NPHP4: variants seen among roughly 807,000 people sequenced by gnomAD.
NPHP4 encodes nephrocystin-4.
In NPHP4, 151 loss-of-function variants were observed where a neutral mutation model predicts 155.8. The observed-to-expected ratio is 0.97, with a 90% CI of 0.85 to 1.11. The LOEUF (loss-of-function observed/expected upper bound fraction) is 1.11, where lower values mean the gene tolerates loss of function less well. Ranked by LOEUF, NPHP4 falls within the 50% of genes least tolerant of loss-of-function variation. NPHP4 has a pLI of 0.00. For synonymous variants in NPHP4, 845 were observed against 816.8 expected, an observed-to-expected ratio of 1.03 and a Z score of -0.59; for missense variants, 1,956 against 1,925.7, an observed-to-expected ratio of 1.02 and a Z score of -0.29.
At chr1:5,991,921 C>CCAGGCGGCAGGGGG (rs202139287) in intron 1 of NPHP4, among the ~76,000 whole-genome samples, 42 of 101,034 alleles carry the variant, frequency 4.2e-4, no homozygotes, top group East Asian at 3.1e-3. Flanking sequence ...TGCAGAGAGG[C>CCAGGCGGCAGGGGG]CAGGGGGCAG....
chr1:5,869,283 A>C (rs570832302), intron 23 of NPHP4, among the ~76,000 whole-genome samples: 1 of 150,628 alleles, frequency 6.6e-6, no homozygotes, highest in East Asian at 2.0e-4. Flanking sequence ...ATGCATCCAT[A>C]CATGTACACA....
At position 5,978,603 on chromosome 1, in the gene NPHP4, C is replaced by T. The variant is rs200182219; in HGVS notation, c.136-190G>A. Among the ~76,000 whole-genome samples the T allele has an allele frequency of 2.6e-5, 4 of 152,248 alleles. No homozygotes were observed. In the East Asian group the frequency reaches 7.7e-4, roughly 29 times the overall value. On this transcript the variant is annotated intron_variant, in intron 2 of 29. Transcript: ENST00000378156. Reference sequence around the variant, plus strand: ...GTTATAAACCAAAGCATTTGGCCCTCCCCTGGCCAACGAAAGACTGCAGTC... The same window carrying T: ...GTTATAAACCAAAGCATTTGGCCCTTCCCTGGCCAACGAAAGACTGCAGTC...
intron 18 of NPHP4, 88 bp from the exon 19 acceptor site, chr1:5,880,327 T>C: frequency 7.1e-7 from 1 of 1,408,864 alleles, no homozygotes; most frequent in Non-Finnish European, 9.9e-7. Flanking sequence ...CGGCTGTGGC[T>C]TTCAAATGGC....
chr1:5,946,974 G>A, intron 9 of NPHP4, 130 bp downstream of exon 9: 1 of 990,338 alleles, frequency 1.0e-6, no homozygotes, highest in Non-Finnish European at 1.5e-6. Flanking sequence ...TGTCAGTAAA[G>A]TGATTTTTAC....
Position 5,910,095 on chromosome 1 carries a change from T to TA in NPHP4, c.1442-883dup, listed in dbSNP as rs1200557950. Among the ~76,000 whole-genome samples the TA allele has an allele frequency of 2.0e-5, 3 of 152,222 alleles. No individual in the cohort carries two copies. Among genetic ancestry groups the TA allele is most frequent in the African/African-American group, 4.8e-5 (2 of 41,452 alleles). Reference sequence around the variant, plus strand: ...GGAGCGTCCATAGCCACTCGTCTCTTACGGTCATTTCACATACACTGCCAT... The same window carrying TA: ...GGAGCGTCCATAGCCACTCGTCTCTTAACGGTCATTTCACATACACTGCCAT... On this transcript the variant is annotated intron_variant, in intron 11 of 29. Coordinates refer to ENST00000378156, the MANE Select transcript of NPHP4 (RefSeq NM_015102.5). This position sits in a 1 kb window ranked among gnomAD's most constrained non-coding sequence, Gnocchi z 5.4.
At chr1:5,964,223 C>T (rs903460769) in intron 5 of NPHP4, among the ~76,000 whole-genome samples, 9 of 152,164 alleles carry the variant, frequency 5.9e-5, no homozygotes, top group African/African-American at 2.4e-5. Context: ...CTTCTGTGTC[C>T]GTAAAACGAC....
intron 16 of NPHP4, among the ~76,000 whole-genome samples, chr1:5,895,932 G>A (rs998656688): frequency 1.3e-5 from 2 of 151,350 alleles, no homozygotes; most frequent in Non-Finnish European, 2.9e-5. Flanking sequence ...GGTGACGTCT[G>A]TGCAGCCCAC....
Position 5,889,954 on chromosome 1 carries a change from G to A in NPHP4, c.2304+914C>T, listed in dbSNP as rs910311600. Among the ~76,000 whole-genome samples the A allele has an allele frequency of 1.3e-5, 2 of 152,304 alleles. No homozygotes were observed. The highest frequency in any genetic ancestry group is 2.9e-5 in the Non-Finnish European group (2 of 68,012). On this transcript the variant is annotated intron_variant, in intron 17 of 29. Coordinates refer to ENST00000378156, the MANE Select transcript of NPHP4 (RefSeq NM_015102.5). This position sits in a 1 kb window ranked among gnomAD's most constrained non-coding sequence, Gnocchi z 4.2. ...TGGAGCCTGGATCAGTCGGTCACAC[G>A]GGGAGCCAAGAGCAGACCATGCCTC...
At chr1:5,907,569 C>G (rs1029766389) in intron 12 of NPHP4, among the ~76,000 whole-genome samples, 1 of 152,282 alleles carries the variant, frequency 6.6e-6, no homozygotes, top group Non-Finnish European at 1.5e-5. Context: ...GACTGAGCAC[C>G]TCCAAGGCCC....
intron 23 of NPHP4, among the ~76,000 whole-genome samples, chr1:5,872,877 T>C (rs1642147814): frequency 6.6e-6 from 1 of 152,186 alleles, no homozygotes; most frequent in Admixed American, 6.5e-5. Flanking sequence ...AACCAAGGAC[T>C]ACGTCTTATT....
At position 5,889,593 on chromosome 1, in the gene NPHP4, G is replaced by A. The variant is rs1035902474; in HGVS notation, c.2304+1275C>T. 1.3e-5 allele frequency among the ~76,000 whole-genome samples: 2 copies of A among 152,222 alleles called. No individual in the cohort carries two copies. The highest frequency in any genetic ancestry group is 2.1e-4 in the South Asian group (1 of 4,822). On this transcript the variant is annotated intron_variant, in intron 17 of 29. Transcript: ENST00000378156. The surrounding 1 kb of genome is among the most constrained non-coding windows in gnomAD (Gnocchi z 4.2). ...ACCCCACACATGCCCAGCGGGACCC[G>A]GCTCTGCCTCCCACACCGCCTGCCT... is the stretch of plus-strand genomic sequence containing the variant.
intron 11 of NPHP4, among the ~76,000 whole-genome samples, chr1:5,920,327 C>G (rs1048253286): frequency 2.0e-5 from 3 of 152,166 alleles, no homozygotes; most frequent in African/African-American, 7.2e-5. Context: ...TCCCAACATG[C>G]TGGGATTATA....
intron 2 of NPHP4, among the ~76,000 whole-genome samples, chr1:5,984,306 G>A (rs1027746453): frequency 1.4e-4 from 22 of 152,112 alleles, no homozygotes; most frequent in African/African-American, 5.3e-4. Context: ...GTAGAGGCGG[G>A]CAGATCACCT....
intron 10 of NPHP4, among the ~76,000 whole-genome samples, chr1:5,931,733 CAAAAAAAAA>C (rs60217132): frequency 5.0e-5 from 4 of 79,312 alleles, no homozygotes; most frequent in African/African-American, 1.9e-4. Context: ...GACTTCATCT[CAAAAAAAAA>C]AAAAAAAAAA....
chr1:5,887,345 T>A lies in NPHP4; in HGVS notation c.2426A>T (p.Lys809Met), dbSNP rs747951355. The A allele has an allele frequency of 3.1e-6, 5 of 1,613,488 alleles. No individual in the cohort carries two copies. Among genetic ancestry groups the A allele is most frequent in the Non-Finnish European group, 4.2e-6 (5 of 1,179,882 alleles). The change falls in exon 18 of 30, where the codon AAG becomes ATG. Residue 809 changes from lysine to methionine, a missense_variant. Physicochemically the swap from Lys to Met is moderately conservative, Grantham distance 95. Coordinates refer to ENST00000378156, the MANE Select transcript of NPHP4 (RefSeq NM_015102.5). The part of the protein sequence containing the change: ...SGDMLGFGRV[K>M]PIGVHSVVKG... ...CACCACCGAGTGGACGCCGATGGGC[T>A]TGACGCGGCCAAACCCCAGCATGTC...
chr1:5,938,516 G>T lies in NPHP4; in HGVS notation c.1120-5187C>A, dbSNP rs759928921. Among the ~76,000 whole-genome samples, 146 of 152,178 alleles carry T rather than the reference G, an allele frequency of 9.6e-4. 1 individual carries two copies. Among genetic ancestry groups the T allele is most frequent in the Non-Finnish European group, 2.5e-4 (17 of 68,028 alleles). On this transcript the variant is annotated intron_variant, in intron 9 of 29. Coordinates refer to ENST00000378156, the MANE Select transcript of NPHP4 (RefSeq NM_015102.5). ...ATGCAGAACTGAGTCCAAACGAGAC[G>T]GACAGCAAACCCGGCAGTGGCTCCC...
chr1:5,954,963 T>C (rs1247316591), intron 6 of NPHP4, among the ~76,000 whole-genome samples: 1 of 152,106 alleles, frequency 6.6e-6, no homozygotes, highest in African/African-American at 2.4e-5. Context: ...GAGAAAATAT[T>C]TGTAAACTAT....
intron 16 of NPHP4, among the ~76,000 whole-genome samples, chr1:5,903,826 G>T (rs1644786077): frequency 6.6e-6 from 1 of 152,184 alleles, no homozygotes; most frequent in Non-Finnish European, 1.5e-5. Context: ...CGTCACCTCT[G>T]CACAAATGAC....
chr1:5,921,473 A>T (rs1010312453), intron 11 of NPHP4, among the ~76,000 whole-genome samples: 2 of 152,248 alleles, frequency 1.3e-5, no homozygotes, highest in Non-Finnish European at 1.5e-5. Context: ...CTTTATCCAC[A>T]TCCTCAGGAA....
Sources: gnomAD v4.1 joint callset for allele counts (sites outside exome capture counted in the v4.1 genomes callset) on GRCh38, gnomAD v4.1.1 for gene constraint, Gnocchi (gnomAD v3.1) non-coding constraint, MANE v1.5 for transcripts, NCBI Gene and HGNC (gene_info 2026-07-23, HGNC 2026-07-21) for gene names.